PDE4B: variants seen among roughly 807,000 people sequenced by gnomAD.
PDE4B encodes the protein phosphodiesterase 4B, also known as 3',5'-cyclic-AMP phosphodiesterase 4B.
A neutral mutation model predicts 82.2 loss-of-function variants in PDE4B; 20 were observed. The observed-to-expected ratio is 0.24, with a 90% CI of 0.17 to 0.35. The LOEUF is 0.35. Ranked by LOEUF, PDE4B falls within the 10% of genes least tolerant of loss-of-function variation. The pLI, the probability that PDE4B is intolerant of heterozygous loss-of-function variation, is 1.00. For missense variants in PDE4B, 655 were observed against 907.2 expected (o/e 0.72, Z 3.57); for synonymous variants, 320 against 318.9 (o/e 1.00, Z -0.04).
chr1:66,066,094 A>C (rs1557536453), intron 3 of PDE4B, among the ~76,000 whole-genome samples: 1 of 151,566 alleles, frequency 6.6e-6, no homozygotes, highest in Non-Finnish European at 1.5e-5. Flanking sequence ...CAAAAATTAT[A>C]ACTTAGAAAA....
chr1:66,248,370 T>C (rs1653488592), intron 4 of PDE4B, among the ~76,000 whole-genome samples: 1 of 152,240 alleles, frequency 6.6e-6, no homozygotes, highest in South Asian at 2.1e-4. Context: ...TACAATTGTT[T>C]TTATATTATA....
At chr1:66,189,816 C>T (rs9658886) in intron 3 of PDE4B, among the ~76,000 whole-genome samples, 76,608 of 151,870 alleles carry the variant, frequency 0.5, 19,997 homozygotes, top group South Asian at 0.64. Flanking sequence ...GATTGTCTGA[C>T]GCCTTCTTCT....
At chr1:66,103,704 A>G (rs544739975) in intron 3 of PDE4B, among the ~76,000 whole-genome samples, 90 of 152,106 alleles carry the variant, frequency 5.9e-4, no homozygotes, top group Non-Finnish European at 1.0e-3. Flanking sequence ...CAATCATTAT[A>G]CACAAAAATT....
At chr1:65,918,328 C>T (rs550499536) in intron 2 of PDE4B, among the ~76,000 whole-genome samples, 1 of 152,234 alleles carries the variant, frequency 6.6e-6, no homozygotes, top group South Asian at 2.1e-4. Context: ...AAGGAGGCCT[C>T]CAATCCACAT....
At chr1:66,075,524 G>A (rs1264852889) in intron 3 of PDE4B, among the ~76,000 whole-genome samples, 1 of 152,018 alleles carries the variant, frequency 6.6e-6, no homozygotes, top group African/African-American at 2.4e-5. Flanking sequence ...GAGAGATTTA[G>A]CAATATTCTG....
At chr1:66,133,007 A>G (rs1645982091) in intron 3 of PDE4B, among the ~76,000 whole-genome samples, 1 of 152,174 alleles carries the variant, frequency 6.6e-6, no homozygotes, top group Non-Finnish European at 1.5e-5. Context: ...GAGATGCAAG[A>G]GTTGATATAC....
At chr1:66,127,164 T>A (rs1397940172) in intron 3 of PDE4B, among the ~76,000 whole-genome samples, 1 of 151,650 alleles carries the variant, frequency 6.6e-6, no homozygotes, top group Admixed American at 6.6e-5. Flanking sequence ...CTATGACAAT[T>A]CCTTAGTTTT....
At chr1:65,994,636 A>G (rs553557449) in intron 3 of PDE4B, among the ~76,000 whole-genome samples, 29 of 152,270 alleles carry the variant, frequency 1.9e-4, no homozygotes, top group African/African-American at 6.7e-4. Flanking sequence ...CTGAATAGGG[A>G]AGATATTAGT....
intron 1 of PDE4B, among the ~76,000 whole-genome samples, chr1:65,897,669 C>T (rs902681131): frequency 7.2e-5 from 11 of 151,920 alleles, no homozygotes; most frequent in African/African-American, 1.9e-4. Flanking sequence ...TGATTTTGTT[C>T]TTTTTTATGA....
chr1:66,273,292 T>C (rs769266393), intron 7 of PDE4B, among the ~76,000 whole-genome samples: 9 of 152,272 alleles, frequency 5.9e-5, no homozygotes, highest in Non-Finnish European at 1.3e-4. Context: ...CCTGCTTTCA[T>C]ATATGCTGTT....
chr1:66,344,600 T>G (rs1283159906), intron 8 of PDE4B, among the ~76,000 whole-genome samples: 1 of 152,166 alleles, frequency 6.6e-6, no homozygotes, highest in African/African-American at 2.4e-5. Flanking sequence ...AGTGCTAAAA[T>G]AGAAGAACTT....
At chr1:66,136,154 C>T (rs1646050865) in intron 3 of PDE4B, among the ~76,000 whole-genome samples, 1 of 152,100 alleles carries the variant, frequency 6.6e-6, no homozygotes. Context: ...CCATGCAGTT[C>T]CACTTTTTAA....
intron 3 of PDE4B, among the ~76,000 whole-genome samples, chr1:66,145,403 C>T (rs893201876): frequency 3.3e-5 from 5 of 152,092 alleles, no homozygotes; most frequent in South Asian, 2.1e-4. Context: ...TGCTGGAGAG[C>T]GTTGCAACAG....
chr1:65,971,269 G>A (rs569173967), intron 3 of PDE4B, among the ~76,000 whole-genome samples: 1 of 152,112 alleles, frequency 6.6e-6, no homozygotes, highest in Non-Finnish European at 1.5e-5. Flanking sequence ...ATAATATTAT[G>A]ACTATGTGCT....
intron 2 of PDE4B, among the ~76,000 whole-genome samples, chr1:65,916,565 G>C (rs2100469223): frequency 6.6e-6 from 1 of 152,186 alleles, no homozygotes; most frequent in Middle Eastern, 3.4e-3. Flanking sequence ...CAGATAACCA[G>C]TGCTTTCTTT....
At chr1:65,963,833 A>G (rs376620488) in intron 3 of PDE4B, among the ~76,000 whole-genome samples, 2 of 152,292 alleles carry the variant, frequency 1.3e-5, no homozygotes, top group Admixed American at 6.5e-5. Flanking sequence ...CAAACTGGTT[A>G]CCCAAACTAA....
At chr1:66,276,617 T>C (rs1655895933) in intron 7 of PDE4B, among the ~76,000 whole-genome samples, 1 of 152,244 alleles carries the variant, frequency 6.6e-6, no homozygotes, top group Non-Finnish European at 1.5e-5. Context: ...TTGAGAGAAA[T>C]ACATCTCACA....
intron 1 of PDE4B, among the ~76,000 whole-genome samples, chr1:65,835,366 C>T (rs142109639): frequency 1.7e-3 from 253 of 152,244 alleles, no homozygotes; most frequent in Non-Finnish European, 2.6e-3. Flanking sequence ...CATTTTTCCT[C>T]TCTTGTGGTG....
intron 3 of PDE4B, among the ~76,000 whole-genome samples, chr1:66,073,407 C>T (rs944750156): frequency 6.6e-6 from 1 of 152,014 alleles, no homozygotes; most frequent in African/African-American, 2.4e-5. Flanking sequence ...AGAAGAGTAC[C>T]TAGACAGGAA....
Sources: allele counts gnomAD v4.1 joint callset (sites outside exome capture counted in the v4.1 genomes callset), GRCh38; gene constraint gnomAD v4.1.1; transcripts MANE v1.5; gene names NCBI Gene and HGNC (gene_info 2026-07-23, HGNC 2026-07-21).